The following ZNF438 variants were observed in gnomAD, a reference collection of about 807,000 sequenced individuals.
ZNF438 encodes the protein zinc finger protein 438.
A neutral mutation model predicts 38.0 loss-of-function variants in ZNF438; 25 were observed. The observed-to-expected ratio is 0.66, with a 90% CI of 0.48 to 0.92. ZNF438 has a LOEUF of 0.92. Ranked by LOEUF, ZNF438 falls within the 40% of genes least tolerant of loss-of-function variation. The pLI is 0.00. For missense variants in ZNF438, 1,007 were observed against 999.6 expected (o/e 1.01, Z -0.10); for synonymous variants, 372 against 364.1 (o/e 1.02, Z -0.25).
rs184782910 is a variant in ZNF438 at position 30,958,304 on chromosome 10, C to T, written c.-191-16653G>A. On this transcript the variant is annotated intron_variant, in intron 1 of 5. Coordinates refer to ENST00000413025, the Ensembl canonical transcript of ZNF438. ...TGTTATTTAAGGACAGACTTGATTACACTGCACTATAACAAAAAGAATACA... is the reference window on the plus strand; with the variant it reads ...TGTTATTTAAGGACAGACTTGATTATACTGCACTATAACAAAAAGAATACA... Among the ~76,000 whole-genome samples the T allele has an allele frequency of 6.8e-5, 10 of 147,198 alleles. 1 individual carries two copies. Among genetic ancestry groups the T allele is most frequent in the Non-Finnish European group, 1.5e-4 (10 of 64,860 alleles).
At chr10:30,917,430 G>T (rs1319757658) in intron 2 of ZNF438, among the ~76,000 whole-genome samples, 1 of 152,214 alleles carries the variant, frequency 6.6e-6, no homozygotes, top group East Asian at 1.9e-4. Context: ...GAAACTGCCA[G>T]ATCTTTTTCC....
At chr10:31,020,807 G>T (rs1249629238) in intron 1 of ZNF438, among the ~76,000 whole-genome samples, 1 of 151,196 alleles carries the variant, frequency 6.6e-6, no homozygotes, top group Admixed American at 6.6e-5. Flanking sequence ...ATTAACTATA[G>T]TATTAATTTT....
At chr10:30,942,236 T>C (rs2046891579) in intron 1 of ZNF438, among the ~76,000 whole-genome samples, 1 of 152,174 alleles carries the variant, frequency 6.6e-6, no homozygotes, top group Non-Finnish European at 1.5e-5. Context: ...GATTTGGGGC[T>C]GAGATTATAC....
At position 30,906,086 on chromosome 10, in the gene ZNF438, A is replaced by G. The variant is rs142042422; in HGVS notation, c.-32+2847T>C. Among the ~76,000 whole-genome samples, 264 of 152,342 alleles carry G rather than the reference A, an allele frequency of 1.7e-3. 2 individuals are homozygous for G. The highest frequency in any genetic ancestry group is 5.5e-3 in the African/African-American group (230 of 41,582). On this transcript the variant is annotated intron_variant, in intron 3 of 5. Coordinates refer to ENST00000413025, the Ensembl canonical transcript of ZNF438. The stretch of plus-strand genomic sequence containing the variant: ...ATATTAATTTTAGGGTCAGCTTGTC[A>G]ATTTCTACAAAAGGGGCAGCTGAAA...
chr10:30,922,415 T>C (rs1037567699), intron 2 of ZNF438, among the ~76,000 whole-genome samples: 1 of 152,228 alleles, frequency 6.6e-6, no homozygotes, highest in Admixed American at 6.5e-5. Context: ...ATTTAAAAGA[T>C]AAGTTTGAAA....
intron 2 of ZNF438, among the ~76,000 whole-genome samples, chr10:30,934,130 A>G (rs1329178159): frequency 1.3e-5 from 2 of 149,884 alleles, no homozygotes; most frequent in African/African-American, 5.0e-5. Flanking sequence ...TGGGCGACAG[A>G]GTGAGACTCC....
chr10:30,999,036 C>G lies in ZNF438; in HGVS notation c.-192+32797G>C, dbSNP rs1396523915. 4.6e-5 allele frequency among the ~76,000 whole-genome samples: 7 copies of G among 151,966 alleles called. 1 individual carries two copies. The South Asian group carries it at 1.2e-3, about 27-fold the overall frequency. On this transcript the variant is annotated intron_variant, in intron 1 of 5. Transcript: ENST00000413025. ...ATAGATACATACCAGAGAAAGCACA[C>G]TTTTAACAGAAATAACAAAAAACAC...
intron 4 of ZNF438, among the ~76,000 whole-genome samples, chr10:30,854,300 C>A (rs547806281): frequency 6.6e-6 from 1 of 152,102 alleles, no homozygotes; most frequent in South Asian, 2.1e-4. Context: ...GGTGACAGAG[C>A]GAGACTCCAT....
intron 5 of ZNF438, among the ~76,000 whole-genome samples, chr10:30,847,992 C>T (rs946842441): frequency 3.9e-5 from 6 of 152,194 alleles, no homozygotes; most frequent in Non-Finnish European, 8.8e-5. Flanking sequence ...CAGGCCAAGG[C>T]GCCACTGGCC....
At chr10:30,900,391 C>T (rs1018008982) in intron 3 of ZNF438, among the ~76,000 whole-genome samples, 2 of 151,980 alleles carry the variant, frequency 1.3e-5, no homozygotes, top group African/African-American at 4.8e-5. Context: ...ACCAAAATAG[C>T]CCAAATAACA....
At position 30,849,792 on chromosome 10, in the gene ZNF438, G is replaced by T. The variant is rs368088053; in HGVS notation, c.613C>A (p.Pro205Thr). 7 of 1,614,112 alleles carry T rather than the reference G, an allele frequency of 4.3e-6. No homozygotes were observed. In the South Asian group the frequency reaches 7.7e-5, roughly 18 times the overall value. ...CTGCCATGGGTGTTGGTCACTGGTG[G>T]TCTCAAGTCCCCATGGTCACTTCCA... The change falls in exon 5 of 6, where the codon CCA (proline) becomes ACA (threonine). Residue 205 changes from proline (P) to threonine (T), a missense_variant. Transcript: ENST00000413025.
At chr10:30,994,622 T>A (rs1047492719) in intron 1 of ZNF438, among the ~76,000 whole-genome samples, 2 of 152,230 alleles carry the variant, frequency 1.3e-5, no homozygotes, top group African/African-American at 4.8e-5. Context: ...TCCAGAACCA[T>A]AAGAAATAAA....
chr10:30,887,459 C>T (rs2040103168), intron 3 of ZNF438, among the ~76,000 whole-genome samples: 1 of 150,096 alleles, frequency 6.7e-6, no homozygotes, highest in Non-Finnish European at 1.5e-5. Flanking sequence ...TGTACTCCAG[C>T]CCAGATTCCT....
intron 2 of ZNF438, among the ~76,000 whole-genome samples, chr10:30,937,013 G>A (rs940210232): frequency 5.3e-5 from 8 of 152,276 alleles, no homozygotes; most frequent in East Asian, 1.9e-4. Context: ...AGCAGCTATC[G>A]TGTTCCTCTT....
At chr10:31,003,460 G>A (rs2054848228) in intron 1 of ZNF438, among the ~76,000 whole-genome samples, 1 of 152,068 alleles carries the variant, frequency 6.6e-6, no homozygotes, top group African/African-American at 2.4e-5. Context: ...AGGAAGTTCT[G>A]GCTTGGAGGA....
At chr10:30,860,859 T>C (rs1023213984) in intron 4 of ZNF438, among the ~76,000 whole-genome samples, 10 of 152,188 alleles carry the variant, frequency 6.6e-5, no homozygotes, top group African/African-American at 2.2e-4. Context: ...ACTACCCTAG[T>C]AGTTGTTCAA....
chr10:31,007,332 A>T, intron 1 of ZNF438, among the ~76,000 whole-genome samples: 1 of 144,424 alleles, frequency 6.9e-6, no homozygotes, highest in African/African-American at 2.7e-5. Context: ...CCCTGGCTGA[A>T]GTGCAGTGGC....
chr10:30,900,296 T>C (rs2041831237), intron 3 of ZNF438, among the ~76,000 whole-genome samples: 1 of 152,144 alleles, frequency 6.6e-6, no homozygotes, highest in Non-Finnish European at 1.5e-5. Context: ...AGGCCCAATT[T>C]GGTTTGCTAA....
chr10:30,852,509 G>A (rs1389934034), intron 4 of ZNF438, among the ~76,000 whole-genome samples: 4 of 152,036 alleles, frequency 2.6e-5, no homozygotes, highest in African/African-American at 4.8e-5. Flanking sequence ...CGCCCGGCCC[G>A]TCAACCTTGA....
Sources: allele counts gnomAD v4.1 joint callset (sites outside exome capture counted in the v4.1 genomes callset), GRCh38; gene constraint gnomAD v4.1.1; transcripts MANE v1.5; gene names NCBI Gene and HGNC (gene_info 2026-07-23, HGNC 2026-07-21).